Variants in UVSSA observed in about 807,000 individuals in gnomAD.
The protein encoded by UVSSA is UV-stimulated scaffold protein A.
A neutral mutation model predicts 73.9 loss-of-function variants in UVSSA; 72 were observed. The ratio of observed to expected loss-of-function variants is 0.97; its 90% CI spans 0.81 to 1.19. The LOEUF is 1.19. Ranked by LOEUF, UVSSA falls within the 50% of genes most tolerant of loss-of-function variation. The pLI is 0.00. For missense variants in UVSSA, 1,150 were observed against 965.0 expected (o/e 1.19, Z -2.54); for synonymous variants, 454 against 391.3 (o/e 1.16, Z -1.89).
chr4:1,352,157 T>C (rs1212885337), intron 4 of UVSSA, among the ~76,000 whole-genome samples: 1 of 152,228 alleles, frequency 6.6e-6, no homozygotes, highest in African/African-American at 2.4e-5. Flanking sequence ...CACCTGTTTA[T>C]TTTGTGGCTG....
At position 1,351,709 on chromosome 4, in the gene UVSSA, G is replaced by T. The variant is rs1404653825; in HGVS notation, c.430-6G>T. On this transcript the variant is annotated splice_polypyrimidine_tract_variant and splice_region_variant and intron_variant, in intron 3 of 13. Coordinates refer to ENST00000389851, the MANE Select transcript of UVSSA (RefSeq NM_020894.4). ...TGTCCCCTAGTCTTTATTTTCAATT[G>T]CTCAGGTGGATTTTCAAGACACGAA... is the stretch of plus-strand genomic sequence containing the variant. 19 of 1,612,444 alleles carry T rather than the reference G, an allele frequency of 1.2e-5. No individual in the cohort carries two copies. The highest frequency in any genetic ancestry group is 1.4e-5 in the Non-Finnish European group (17 of 1,179,172).
At chr4:1,351,889 C>G in intron 4 of UVSSA, 54 bp downstream of exon 4, 2 of 1,597,772 alleles carry the variant, frequency 1.3e-6, no homozygotes, top group Non-Finnish European at 8.5e-7. Context: ...TGCCCGTGGT[C>G]CAGCAGTTCA....
chr4:1,376,254 C>T (rs1049852435), intron 10 of UVSSA, 86 bp downstream of exon 10: 2 of 1,468,132 alleles, frequency 1.4e-6, no homozygotes, highest in South Asian at 1.4e-5. Flanking sequence ...CCAGGCCTCC[C>T]TGGGTCTGAG....
In UVSSA at chr4:1,381,109, A is replaced by G. The variant is rs942937911; in HGVS notation, c.1861+121A>G. 2.7e-5 allele frequency: 25 copies of G among 934,362 alleles called. 2 individuals are homozygous for G. The highest frequency in any genetic ancestry group is 5.4e-5 in the East Asian group (2 of 37,266). 57.9% of individuals were successfully genotyped at this position (934,362 alleles called of 1,614,324 possible). A position where few individuals can be genotyped will look rare whatever the true frequency, so the allele number is the denominator to read the frequency against. ...CTCTGCCAGCTTCGTCCATGGAGCT[A>G]CAAGCCTCTCGGTCATAACTGGCAG... On this transcript the variant is annotated intron_variant, in intron 12 of 13. Coordinates refer to ENST00000389851, the MANE Select transcript of UVSSA (RefSeq NM_020894.4).
intron 8 of UVSSA, among the ~76,000 whole-genome samples, chr4:1,372,707 G>GGGC (rs1718221287): frequency 1.3e-5 from 1 of 77,876 alleles, no homozygotes; most frequent in African/African-American, 1.1e-4. Context: ...CCGCATCTCA[G>GGGC]AGCACTCATC....
At chr4:1,358,447 C>T (rs1006997025) in intron 7 of UVSSA, 6 of 152,268 alleles carry the variant, frequency 3.9e-5, no homozygotes, top group South Asian at 2.1e-4. Flanking sequence ...GACTCTTCTC[C>T]GCAAACTGGT....
upstream of UVSSA, among the ~76,000 whole-genome samples, chr4:1,342,722 C>T (rs114157174): frequency 5.9e-3 from 893 of 152,318 alleles, 8 homozygotes; most frequent in African/African-American, 0.021. Context: ...ATTGTTCTAA[C>T]ACCATTTGTT....
chr4:1,381,229 G>A lies in UVSSA; in HGVS notation c.1861+241G>A, dbSNP rs570192806. The stretch of plus-strand genomic sequence containing the variant: ...GTCACGTGTTCATGAGGCCCTGACC[G>A]GGAGGTGGGCACCCACGGCCCCGAA... On this transcript the variant is annotated intron_variant, in intron 12 of 13. Transcript: ENST00000389851. 6.0e-5 allele frequency among the ~76,000 whole-genome samples: 9 copies of A among 150,236 alleles called. No individual in the cohort carries two copies. The South Asian group carries it at 1.0e-3, about 17-fold the overall frequency.
At chr4:1,380,554 G>A (rs970364952) in intron 11 of UVSSA, 7 of 1,193,734 alleles carry the variant, frequency 5.9e-6, no homozygotes, top group African/African-American at 1.5e-5. Context: ...AGTGAGGAGA[G>A]GCCAGGGGGC....
At chr4:1,366,168 T>C (rs1424232769) in intron 7 of UVSSA, 152 bp from the exon 8 acceptor site, 5 of 648,468 alleles carry the variant, frequency 7.7e-6, no homozygotes, top group Non-Finnish European at 1.4e-5. Flanking sequence ...TTGGAGACGA[T>C]CTTAAATGCA....
chr4:1,385,603 G>T (rs1282257958), intron 13 of UVSSA: 1 of 509,572 alleles, frequency 2.0e-6, no homozygotes, highest in Non-Finnish European at 3.6e-6. Flanking sequence ...GGTGGGGCTG[G>T]GGCCACCTTC....
At chr4:1,368,884 C>T (rs1471765717) in intron 8 of UVSSA, among the ~76,000 whole-genome samples, 6 of 152,238 alleles carry the variant, frequency 3.9e-5, no homozygotes, top group Admixed American at 3.9e-4. Context: ...CCGCAGGTCC[C>T]CACAGCGCCC....
At chr4:1,372,421 G>C (rs1008277429) in intron 8 of UVSSA, among the ~76,000 whole-genome samples, 2 of 152,134 alleles carry the variant, frequency 1.3e-5, no homozygotes, top group African/African-American at 4.8e-5. Flanking sequence ...CCCCGTTGTT[G>C]TGCTGGTTTT....
chr4:1,379,455 C>T (rs917214649), intron 10 of UVSSA, among the ~76,000 whole-genome samples: 1 of 152,198 alleles, frequency 6.6e-6, no homozygotes, highest in Non-Finnish European at 1.5e-5. Context: ...TTGATGACAA[C>T]AGCAGAGCGT....
downstream of UVSSA, chr4:1,388,616 C>G (rs1420301025): frequency 6.6e-6 from 1 of 152,096 alleles, no homozygotes; most frequent in African/African-American, 2.4e-5. Flanking sequence ...ATGCTTCTAT[C>G]AGGTTGAAAA....
At chr4:1,380,750 T>G in intron 11 of UVSSA, 130 bp from the exon 12 acceptor site, 1 of 1,566,140 alleles carries the variant, frequency 6.4e-7, no homozygotes, top group Non-Finnish European at 8.7e-7. Flanking sequence ...GATTCCAGGT[T>G]GTGTACACTT....
chr4:1,354,579 C>T (rs1715361628), intron 5 of UVSSA, 156 bp from the exon 6 acceptor site: 4 of 628,484 alleles, frequency 6.4e-6, no homozygotes, highest in South Asian at 1.8e-5. Flanking sequence ...ACACTTCCTT[C>T]TCACAGCATC....
chr4:1,366,767 C>G (rs922955631), intron 8 of UVSSA, among the ~76,000 whole-genome samples: 6 of 152,162 alleles, frequency 3.9e-5, no homozygotes, highest in Non-Finnish European at 7.4e-5. Context: ...CAGGGGCCAC[C>G]ATCCTACCCT....
At chr4:1,381,911 G>A (rs1476786097) in intron 12 of UVSSA, among the ~76,000 whole-genome samples, 1 of 152,104 alleles carries the variant, frequency 6.6e-6, no homozygotes, top group African/African-American at 2.4e-5. Context: ...GCATTCTCCT[G>A]TCTCACCTCC....
Sources: allele counts gnomAD v4.1 joint callset (sites outside exome capture counted in the v4.1 genomes callset), GRCh38; gene constraint gnomAD v4.1.1; transcripts MANE v1.5; gene names NCBI Gene and HGNC (gene_info 2026-07-23, HGNC 2026-07-21).